The following SIGLEC6 variants were observed in gnomAD, a reference collection of about 807,000 sequenced individuals.
The protein encoded by SIGLEC6 is sialic acid binding Ig like lectin 6, also known as sialic acid-binding Ig-like lectin 6.
Under a neutral mutation model 41.4 loss-of-function variants are expected in SIGLEC6, and 31 were observed. The ratio of observed to expected loss-of-function variants is 0.75; its 90% CI spans 0.56 to 1.01. The LOEUF is 1.01. Ranked by LOEUF, SIGLEC6 falls within the 50% of genes least tolerant of loss-of-function variation. The probability of loss-of-function intolerance (pLI) is 0.00; values close to 1 mark genes in which losing one functional copy is unlikely to be tolerated. For missense variants in SIGLEC6, 555 were observed against 558.6 expected (o/e 0.99, Z 0.06); for synonymous variants, 217 against 231.0 (o/e 0.94, Z 0.55).
At chr19:51,524,876 T>TC (rs2122356365) in intron 7 of SIGLEC6, among the ~76,000 whole-genome samples, 1 of 152,096 alleles carries the variant, frequency 6.6e-6, no homozygotes, top group Admixed American at 6.5e-5. Flanking sequence ...CAAGGGAGGC[T>TC]CCCCACGATG....
intron 7 of SIGLEC6, among the ~76,000 whole-genome samples, chr19:51,526,389 T>C (rs1023885012): frequency 2.0e-5 from 3 of 152,208 alleles, no homozygotes; most frequent in African/African-American, 7.2e-5. Context: ...GCCATTATGC[T>C]TAAGCACCAC....
In SIGLEC6 at chr19:51,531,434, G is replaced by T. The variant is rs370537941; in HGVS notation, c.153C>A (p.Cys51Ter). 39 of 1,614,136 alleles carry T rather than the reference G, an allele frequency of 2.4e-5. No homozygotes were observed. Among genetic ancestry groups the T allele is most frequent in the Non-Finnish European group, 3.1e-5 (37 of 1,180,000 alleles). Residue 51 changes from cysteine (C) to a stop codon, truncating the protein, a stop_gained, in exon 2 of 8, where the codon TGC (cysteine) becomes TGA (stop). Transcript: ENST00000425629. LOFTEE classifies it high-confidence loss of function. ...AGGCTGGAAGGGTAGTGGGCAATCT[G>T]CAGGGTACGAGGACGCACAGACCCT... ...VQEGLCVLVP[C>*]RLPTTLPASY...
At chr19:51,529,352 C>T in intron 5 of SIGLEC6, 1 of 245,122 alleles carries the variant, frequency 4.1e-6, no homozygotes, top group Non-Finnish European at 8.0e-6. Context: ...CACCTCTTAG[C>T]AGACTCCTGA....
In SIGLEC6 at chr19:51,531,394, C is replaced by T. The variant is rs1274825500; in HGVS notation, c.193G>A (p.Gly65Ser). 1 of 1,614,140 alleles carries T rather than the reference C, an allele frequency of 6.2e-7. No homozygotes were observed. The highest frequency in any genetic ancestry group is 1.1e-5 in the South Asian group (1 of 91,084). The change falls in exon 2 of 8, where the codon GGC becomes AGC. Residue 65 changes from glycine (G) to serine (S), a missense_variant. By Grantham distance (56) the Gly-to-Ser change is moderately conservative. Transcript: ENST00000425629. ...TTLPASYYGYGYWFLEGADVP... is the reference protein window; with the variant it reads ...TTLPASYYGYSYWFLEGADVP... ...TCAGCCCCTTCCAGGAACCAGTAGC[C>T]ATAACCATAGTACGAGGCTGGAAGG...
At chr19:51,523,782 C>T (rs1206988981) in intron 7 of SIGLEC6, among the ~76,000 whole-genome samples, 3 of 152,098 alleles carry the variant, frequency 2.0e-5, no homozygotes, top group Non-Finnish European at 4.4e-5. Context: ...GCACTTTGGG[C>T]GGCTGAGGCA....
chr19:51,525,390 T>C (rs1357337505), intron 7 of SIGLEC6, among the ~76,000 whole-genome samples: 1 of 152,132 alleles, frequency 6.6e-6, no homozygotes, highest in Admixed American at 6.5e-5. Flanking sequence ...ATAAGGACTA[T>C]CACTGGCCTC....
At chr19:51,526,039 C>T (rs1397387575) in intron 7 of SIGLEC6, among the ~76,000 whole-genome samples, 1 of 152,182 alleles carries the variant, frequency 6.6e-6, no homozygotes, top group African/African-American at 2.4e-5. Flanking sequence ...GGTAAGTCCC[C>T]CTGCTTGGGC....
chr19:51,517,951 A>G lies in SIGLEC6; in HGVS notation c.*2131T>C, dbSNP rs1237749175. On this transcript the variant is annotated 3_prime_UTR_variant, in exon 8 of 8. Transcript: ENST00000425629. Reference sequence around the variant, plus strand: ...TATATAATATTGGTATTTCAATATTACATTTGATGTTTGACCCCTCTACAA... The same window carrying G: ...TATATAATATTGGTATTTCAATATTGCATTTGATGTTTGACCCCTCTACAA... Among the ~76,000 whole-genome samples, 2 of 152,176 alleles carry G rather than the reference A, an allele frequency of 1.3e-5. No individual in the cohort carries two copies. The highest frequency in any genetic ancestry group is 1.3e-4 in the Admixed American group (2 of 15,284).
At position 51,531,316 on chromosome 19, in the gene SIGLEC6, C is replaced by A. The variant is rs1224957572; in HGVS notation, c.271G>T (p.Gly91Cys). The A allele has an allele frequency of 5.0e-6, 8 of 1,614,150 alleles. No homozygotes were observed. Among genetic ancestry groups the A allele is most frequent in the Non-Finnish European group, 6.8e-6 (8 of 1,180,018 alleles). Reference protein sequence around the residue: ...PDEEVQEETRGRFHLLWDPRR... With the variant: ...PDEEVQEETRCRFHLLWDPRR... ...GGATCCCAGAGGAGGTGGAATCGGCCCCGGGTCTCCTCCTGCACTTCTTCG... is the reference window on the plus strand; with the variant it reads ...GGATCCCAGAGGAGGTGGAATCGGCACCGGGTCTCCTCCTGCACTTCTTCG... Residue 91 changes from glycine to cysteine, a missense_variant, in exon 2 of 8, where the codon GGC (glycine) becomes TGC (cysteine). Coordinates refer to ENST00000425629, the MANE Select transcript of SIGLEC6 (RefSeq NM_001245.7).
intron 7 of SIGLEC6, among the ~76,000 whole-genome samples, chr19:51,527,516 T>C (rs1422604778): frequency 6.6e-6 from 1 of 152,020 alleles, no homozygotes; most frequent in African/African-American, 2.4e-5. Context: ...CCCCAGCAAA[T>C]TAACTGGAGT....
rs201058405 is a variant in SIGLEC6, at chr19:51,529,899, G to A, written c.837C>T (p.Asn279=). ...ALRLLCDADG[N]PPAHLSWFQG... The stretch of plus-strand genomic sequence containing the variant: ...GGAACCAGCTCAGGTGTGCAGGGGG[G>A]TTGCCGTCAGCATCACAGAGCAGCC... The change falls in exon 5 of 8, where the codon AAC becomes AAT. Residue 279 remains asparagine, a synonymous_variant. Coordinates refer to ENST00000425629, the MANE Select transcript of SIGLEC6 (RefSeq NM_001245.7). The A allele has an allele frequency of 1.2e-4, 198 of 1,614,022 alleles. No homozygotes were observed. Among genetic ancestry groups the A allele is most frequent in the Non-Finnish European group, 1.6e-4 (191 of 1,179,926 alleles).
In SIGLEC6 at chr19:51,522,079, TA is replaced by T. The variant is rs1015294120; in HGVS notation, c.1189-1825del. Among the ~76,000 whole-genome samples the T allele has an allele frequency of 3.2e-4, 49 of 152,284 alleles. 11 individuals are homozygous for T. Among genetic ancestry groups the T allele is most frequent in the Admixed American group, 1.1e-3 (17 of 15,310 alleles). ...TACACAGAGAAAGAACTCCAAAAAA[TA>T]TGCATAGAGGTCCCCTTGAATCTTT... is the stretch of plus-strand genomic sequence containing the variant. On this transcript the variant is annotated intron_variant, in intron 7 of 7. Coordinates refer to ENST00000425629, the MANE Select transcript of SIGLEC6 (RefSeq NM_001245.7).
chr19:51,520,100 T>C lies in SIGLEC6; in HGVS notation c.1344A>G (p.Glu448=). 6.4e-7 allele frequency: 1 copy of C among 1,573,566 alleles called. No individual in the cohort carries two copies. The highest frequency in any genetic ancestry group is 8.7e-7 in the Non-Finnish European group (1 of 1,149,572). ...CAATTCCTCACTTGTGTATCTTGAT[T>C]TCTGAGTACTCAGTGTCGGTGACCT... The part of the protein sequence containing the change: ...EPKVTDTEYS[E]IKIHK Residue 448 remains glutamate, a synonymous_variant, in exon 8 of 8, where the codon GAA becomes GAG. Transcript: ENST00000425629.
chr19:51,531,409 A>C lies in SIGLEC6; in HGVS notation c.178T>G (p.Ser60Ala). ...PCRLPTTLPA[S>A]YYGYGYWFLE... ...AACCAGTAGCCATAACCATAGTACG[A>C]GGCTGGAAGGGTAGTGGGCAATCTG... Residue 60 changes from serine (S) to alanine (A), a missense_variant, in exon 2 of 8, where the codon TCG becomes GCG. Ser to Ala is a moderately conservative substitution (Grantham distance 99). Coordinates refer to ENST00000425629, the MANE Select transcript of SIGLEC6 (RefSeq NM_001245.7). 6.2e-7 allele frequency: 1 copy of C among 1,614,114 alleles called. No homozygotes were observed. The highest frequency in any genetic ancestry group is 1.3e-5 in the African/African-American group (1 of 75,020).
chr19:51,529,681 C>T lies in SIGLEC6; in HGVS notation c.1012+43G>A, dbSNP rs145267430. 14 of 1,610,928 alleles carry T rather than the reference C, an allele frequency of 8.7e-6. No individual in the cohort carries two copies. The East Asian group carries it at 2.2e-4, about 26-fold the overall frequency. ...TCTTCTCTGAATACTATGGAGCTCTCGCCCAGCTGCCCACACTCTCGCGCA... is the reference window on the plus strand; with the variant it reads ...TCTTCTCTGAATACTATGGAGCTCTTGCCCAGCTGCCCACACTCTCGCGCA... On this transcript the variant is annotated intron_variant, in intron 5 of 7. Transcript: ENST00000425629.
At position 51,531,462 on chromosome 19, in the gene SIGLEC6, T is replaced by C; in HGVS notation, c.125A>G (p.Gln42Arg). 1 of 1,614,074 alleles carries C rather than the reference T, an allele frequency of 6.2e-7. No homozygotes were observed. Among genetic ancestry groups the C allele is most frequent in the Non-Finnish European group, 8.5e-7 (1 of 1,179,972 alleles). ...GGGTACGAGGACGCACAGACCCTCCTGCACCGTCAGTGACTCTGGCCCCTC... is the reference window on the plus strand; with the variant it reads ...GGGTACGAGGACGCACAGACCCTCCCGCACCGTCAGTGACTCTGGCCCCTC... ...QLEGPESLTV[Q>R]EGLCVLVPCR... The change falls in exon 2 of 8, where the codon CAG (glutamine) becomes CGG (arginine). Residue 42 changes from glutamine (Q) to arginine (R), a missense_variant. Physicochemically the swap from Gln to Arg is conservative, Grantham distance 43. Transcript: ENST00000425629.
In SIGLEC6 at chr19:51,528,616, G is replaced by A. The variant is rs376911586; in HGVS notation, c.1013-363C>T. ...GATTTGGAGAAGGGTCATAGCTGATGTAATTAGTTATAATGAGGTGTTCCT... is the reference window on the plus strand; with the variant it reads ...GATTTGGAGAAGGGTCATAGCTGATATAATTAGTTATAATGAGGTGTTCCT... On this transcript the variant is annotated intron_variant, in intron 5 of 7. Transcript: ENST00000425629. 2.3e-4 allele frequency among the ~76,000 whole-genome samples: 35 copies of A among 152,242 alleles called. 1 individual carries two copies. In the Middle Eastern group the frequency reaches 0.017, roughly 74 times the overall value.
intron 5 of SIGLEC6, among the ~76,000 whole-genome samples, chr19:51,528,668 T>C (rs113024419): frequency 9.9e-5 from 15 of 152,180 alleles, no homozygotes; most frequent in African/African-American, 3.4e-4. Context: ...TAATCCAATA[T>C]GACTGTTGTC....
Position 51,519,288 on chromosome 19 carries a change from C to T in SIGLEC6, c.*794G>A, listed in dbSNP as rs1264852662. On this transcript the variant is annotated 3_prime_UTR_variant, in exon 8 of 8. Transcript: ENST00000425629. Reference sequence around the variant, plus strand: ...CCAGCCTGGGAGATACAGCAAGACTCCATCTCAGAAAAAAAAAAAAAAAAA... The same window carrying T: ...CCAGCCTGGGAGATACAGCAAGACTTCATCTCAGAAAAAAAAAAAAAAAAA... Among the ~76,000 whole-genome samples, 1 of 91,578 alleles carries T rather than the reference C, an allele frequency of 1.1e-5. No homozygotes were observed. Among genetic ancestry groups the T allele is most frequent in the Non-Finnish European group, 2.0e-5 (1 of 49,030 alleles). 60.1% of individuals were successfully genotyped at this position (91,578 alleles called of 152,430 possible). A position where few individuals can be genotyped will look rare whatever the true frequency, so the allele number is the denominator to read the frequency against.
Sources: gnomAD v4.1 joint callset for allele counts (sites outside exome capture counted in the v4.1 genomes callset) on GRCh38, gnomAD v4.1.1 for gene constraint, MANE v1.5 for transcripts, NCBI Gene and HGNC (gene_info 2026-07-23, HGNC 2026-07-21) for gene names.